Variants in DHRSX observed in about 807,000 individuals in gnomAD.
The protein encoded by DHRSX is polyprenol dehydrogenase.
Under a neutral mutation model 34.0 loss-of-function variants are expected in DHRSX, and 31 were observed. The observed-to-expected ratio is 0.91, with a 90% CI of 0.69 to 1.23. The LOEUF is 1.23. DHRSX is among the 50% of genes most tolerant of loss of function. The probability of loss-of-function intolerance (pLI) is 0.00; values close to 1 mark genes in which losing one functional copy is unlikely to be tolerated. For synonymous variants in DHRSX, 201 were observed against 183.8 expected, an observed-to-expected ratio of 1.09 and a Z score of -0.76; for missense variants, 414 against 428.1, an observed-to-expected ratio of 0.97 and a Z score of 0.29.
At chrX:2,390,353 G>A (rs184251342) in intron 3 of DHRSX, among the ~76,000 whole-genome samples, 11 of 150,902 alleles carry the variant, frequency 7.3e-5, no homozygotes, top group Non-Finnish European at 1.6e-4. Context: ...GGTCAGGCTC[G>A]TCTCAAACTC....
intron 4 of DHRSX, among the ~76,000 whole-genome samples, chrX:2,268,843 C>G (rs1182204470): frequency 6.6e-6 from 1 of 152,244 alleles, no homozygotes; most frequent in African/African-American, 2.4e-5. Context: ...ATTGGAACAT[C>G]TACGTGTATT....
intron 1 of DHRSX, among the ~76,000 whole-genome samples, chrX:2,475,659 A>G (rs967066564): frequency 6.6e-6 from 1 of 151,872 alleles, no homozygotes; most frequent in African/African-American, 2.4e-5. Flanking sequence ...GCCACCGTGT[A>G]CACACTGAAC....
chrX:2,330,308 G>T (rs1329232268), intron 3 of DHRSX, among the ~76,000 whole-genome samples: 1 of 151,654 alleles, frequency 6.6e-6, no homozygotes, highest in African/African-American at 2.4e-5. Flanking sequence ...GGATCACGAG[G>T]TCAGGAGACT....
At chrX:2,331,339 C>T (rs773610993) in intron 3 of DHRSX, among the ~76,000 whole-genome samples, 14 of 151,562 alleles carry the variant, frequency 9.2e-5, no homozygotes, top group African/African-American at 3.4e-4. Context: ...CACTTTTTCC[C>T]GATTTCTGTT....
intron 1 of DHRSX, among the ~76,000 whole-genome samples, chrX:2,479,027 C>A (rs908386972): frequency 1.3e-5 from 2 of 151,574 alleles, no homozygotes; most frequent in Non-Finnish European, 2.9e-5. Context: ...TGAAGTCATT[C>A]CCTAAGCATG....
intron 2 of DHRSX, among the ~76,000 whole-genome samples, chrX:2,414,739 G>A (rs2043672507): frequency 6.6e-6 from 1 of 151,286 alleles, no homozygotes; most frequent in South Asian, 2.1e-4. Context: ...ATCTCATTAT[G>A]ACAACGAACT....
intron 1 of DHRSX, among the ~76,000 whole-genome samples, chrX:2,443,803 G>A (rs1249530807): frequency 1.3e-5 from 2 of 151,956 alleles, no homozygotes; most frequent in African/African-American, 4.8e-5. Flanking sequence ...TCAGGATATC[G>A]AGACCATCCT....
At chrX:2,359,359 A>G (rs1311461560) in intron 3 of DHRSX, among the ~76,000 whole-genome samples, 2 of 152,216 alleles carry the variant, frequency 1.3e-5, no homozygotes, top group African/African-American at 4.8e-5. Context: ...CTGAATGCCC[A>G]TCAGTGGTAG....
chrX:2,243,793 T>TG (rs1569478858), intron 5 of DHRSX, among the ~76,000 whole-genome samples: 576 of 33,552 alleles, frequency 0.017, 20 homozygotes, highest in Non-Finnish European at 0.027. Context: ...TCCCTGTTTT[T>TG]TTTTTTTTTT....
At chrX:2,335,049 G>C (rs769204178) in intron 3 of DHRSX, 2 of 151,924 alleles carry the variant, frequency 1.3e-5, no homozygotes, top group African/African-American at 2.4e-5. Flanking sequence ...GCTGGACATG[G>C]TGGCGGGCAC....
chrX:2,463,711 G>C (rs28412772), intron 1 of DHRSX, among the ~76,000 whole-genome samples: 3 of 152,194 alleles, frequency 2.0e-5, no homozygotes, highest in African/African-American at 7.2e-5. Flanking sequence ...GTGACGTGCA[G>C]AGAGGAGCAG....
At chrX:2,448,374 T>C (rs919279046) in intron 1 of DHRSX, among the ~76,000 whole-genome samples, 7 of 152,026 alleles carry the variant, frequency 4.6e-5, no homozygotes, top group African/African-American at 1.4e-4. Context: ...TTCAGTTACA[T>C]AAAAGAAATA....
chrX:2,425,190 T>C lies in DHRSX; in HGVS notation c.217+7A>G. 6.3e-7 allele frequency: 1 copy of C among 1,596,484 alleles called. No individual in the cohort carries two copies. The highest frequency in any genetic ancestry group is 8.5e-7 in the Non-Finnish European group (1 of 1,171,054). Reference sequence around the variant, plus strand: ...CAAAAAACACAAGTAACTGTAAAAGTCATCACCTATGATAACATGCATGCC... The same window carrying C: ...CAAAAAACACAAGTAACTGTAAAAGCCATCACCTATGATAACATGCATGCC... On this transcript the variant is annotated splice_region_variant and intron_variant, in intron 2 of 6. Coordinates refer to ENST00000334651, the MANE Select transcript of DHRSX (RefSeq NM_145177.3).
rs182779873 is a variant in DHRSX at position 2,291,434 on chromosome X, A to G, written c.388+68T>C. On this transcript the variant is annotated intron_variant, in intron 4 of 6. Transcript: ENST00000334651. ...TGTTTTGCTGAGACACTTCTCCCGC[A>G]TGAAAGCTAGAGTTCCTGTTTGCAT... 384 of 1,233,716 alleles carry G rather than the reference A, an allele frequency of 3.1e-4. 1 individual carries two copies. In the African/African-American group the frequency reaches 5.3e-3, roughly 17 times the overall value. The allele number at this position is 1,233,716 out of a possible 1,614,324, so 76.4% of individuals were successfully genotyped here.
chrX:2,235,734 CA>C (rs1469647366), intron 6 of DHRSX, among the ~76,000 whole-genome samples: 1 of 57,222 alleles, frequency 1.7e-5, no homozygotes. Context: ...CAGAGCATCT[CA>C]GGGGAAAAAA....
chrX:2,421,295 G>A (rs184462231), intron 2 of DHRSX, among the ~76,000 whole-genome samples: 14 of 152,202 alleles, frequency 9.2e-5, no homozygotes, highest in South Asian at 4.1e-4. Context: ...TGGGAGGATC[G>A]CTTGAGCCCA....
chrX:2,401,366 C>T (rs1186980137), intron 3 of DHRSX, among the ~76,000 whole-genome samples: 1 of 152,160 alleles, frequency 6.6e-6, no homozygotes, highest in Non-Finnish European at 1.5e-5. Flanking sequence ...CCGCCTAGGC[C>T]TCCCAAAGAG....
chrX:2,230,179 A>G (rs2015840807), intron 6 of DHRSX, among the ~76,000 whole-genome samples: 1 of 150,646 alleles, frequency 6.6e-6, no homozygotes, highest in South Asian at 2.1e-4. Flanking sequence ...AGGTGCGCGC[A>G]TGTGTTTGCA....
At chrX:2,309,070 T>C (rs898152873) in intron 3 of DHRSX, among the ~76,000 whole-genome samples, 6 of 152,018 alleles carry the variant, frequency 3.9e-5, no homozygotes, top group African/African-American at 1.4e-4. Context: ...AATGTGAAAA[T>C]CTCGAGGAAA....
Sources: gnomAD v4.1 joint callset for allele counts (sites outside exome capture counted in the v4.1 genomes callset) on GRCh38, gnomAD v4.1.1 for gene constraint, MANE v1.5 for transcripts, NCBI Gene and HGNC (gene_info 2026-07-23, HGNC 2026-07-21) for gene names.